The following CAMKMT variants were observed in gnomAD, a reference collection of about 807,000 sequenced individuals.
The protein encoded by CAMKMT is calmodulin-lysine N-methyltransferase.
Under a neutral mutation model 48.0 loss-of-function variants are expected in CAMKMT, and 53 were observed. That is an observed-to-expected ratio of 1.10 (90% confidence interval 0.89 to 1.39). The LOEUF is 1.39. CAMKMT is among the 40% of genes most tolerant of loss of function. CAMKMT has a pLI of 0.00. For synonymous variants in CAMKMT, 165 were observed against 152.3 expected (o/e 1.08, Z -0.61); for missense variants, 428 against 402.7 (o/e 1.06, Z -0.54).
intron 3 of CAMKMT, among the ~76,000 whole-genome samples, chr2:44,402,915 T>C (rs1356518545): frequency 1.4e-5 from 2 of 145,468 alleles, no homozygotes; most frequent in Non-Finnish European, 3.0e-5. Flanking sequence ...TTGAAGATAT[T>C]ACTGAAAGTT....
intron 3 of CAMKMT, among the ~76,000 whole-genome samples, chr2:44,451,369 A>G (rs1325756626): frequency 1.3e-5 from 2 of 152,014 alleles, no homozygotes; most frequent in Non-Finnish European, 2.9e-5. Flanking sequence ...TCCTTTTTTT[A>G]TAACTCAAAA....
At chr2:44,459,134 T>G (rs1313046630) in intron 3 of CAMKMT, among the ~76,000 whole-genome samples, 2 of 152,208 alleles carry the variant, frequency 1.3e-5, no homozygotes, top group Non-Finnish European at 2.9e-5. Context: ...ATAGTACCCT[T>G]TTCAGATTCT....
chr2:44,470,874 C>G (rs1668376625), intron 3 of CAMKMT, among the ~76,000 whole-genome samples: 1 of 150,426 alleles, frequency 6.6e-6, no homozygotes. Flanking sequence ...ATTAATTGTT[C>G]TTTTGTCAGT....
At chr2:44,599,043 G>A (rs1441062365) in intron 3 of CAMKMT, among the ~76,000 whole-genome samples, 2 of 151,990 alleles carry the variant, frequency 1.3e-5, no homozygotes, top group Non-Finnish European at 2.9e-5. Flanking sequence ...TTTTAGCAAG[G>A]TAGAGAGTAA....
At chr2:44,518,617 CAG>C (rs766717135) in intron 3 of CAMKMT, among the ~76,000 whole-genome samples, 1 of 152,168 alleles carries the variant, frequency 6.6e-6, no homozygotes, top group African/African-American at 2.4e-5. Flanking sequence ...CTTCCCTTTG[CAG>C]AGTTTTTTAA....
At chr2:44,661,109 T>C (rs1249229272) in intron 3 of CAMKMT, among the ~76,000 whole-genome samples, 2 of 152,178 alleles carry the variant, frequency 1.3e-5, no homozygotes, top group African/African-American at 2.4e-5. Context: ...ATCATCTTTA[T>C]ACCATTCAAT....
At chr2:44,393,393 C>G (rs1350239544) in intron 3 of CAMKMT, 1 of 152,166 alleles carries the variant, frequency 6.6e-6, no homozygotes, top group Non-Finnish European at 1.5e-5. Flanking sequence ...TAAGAGGAAT[C>G]TCGTACAGAA....
rs138989304 is a variant in CAMKMT, at chr2:44,626,607, T to C, written c.377-77676T>C. Among the ~76,000 whole-genome samples, 1,134 of 152,294 alleles carry C rather than the reference T, an allele frequency of 7.4e-3. 16 individuals carry two copies. Among genetic ancestry groups the C allele is most frequent in the African/African-American group, 0.026 (1,069 of 41,550 alleles). On this transcript the variant is annotated intron_variant, in intron 3 of 10. Coordinates refer to ENST00000378494, the MANE Select transcript of CAMKMT (RefSeq NM_024766.5). ...TGATGAGGGCCCATTCCTTCTCGACTGTATCCTCACACGGTAGAAGGGGCT... is the reference window on the plus strand; with the variant it reads ...TGATGAGGGCCCATTCCTTCTCGACCGTATCCTCACACGGTAGAAGGGGCT...
intron 3 of CAMKMT, among the ~76,000 whole-genome samples, chr2:44,425,529 A>C (rs1224437907): frequency 6.6e-6 from 1 of 152,206 alleles, no homozygotes; most frequent in Non-Finnish European, 1.5e-5. Context: ...TCATTTTTAC[A>C]TTCATATATT....
intron 3 of CAMKMT, among the ~76,000 whole-genome samples, chr2:44,438,014 T>G (rs17032222): frequency 0.12 from 17,509 of 152,098 alleles, 1,523 homozygotes; most frequent in African/African-American, 0.25. Context: ...AGCTTCTTAT[T>G]CCATGTTCTA....
intron 3 of CAMKMT, among the ~76,000 whole-genome samples, chr2:44,468,796 A>G (rs997886248): frequency 3.9e-5 from 6 of 152,088 alleles, no homozygotes; most frequent in Non-Finnish European, 8.8e-5. Flanking sequence ...GTACATGCCT[A>G]TAATCCTAGG....
intron 3 of CAMKMT, among the ~76,000 whole-genome samples, chr2:44,445,645 GTTTT>G (rs869258613): frequency 4.5e-4 from 46 of 101,422 alleles, no homozygotes; most frequent in African/African-American, 1.5e-3. Context: ...CAAAAGGGTA[GTTTT>G]TTTTTTTTTT....
chr2:44,495,147 A>G (rs1184485127), intron 3 of CAMKMT, among the ~76,000 whole-genome samples: 1 of 152,100 alleles, frequency 6.6e-6, no homozygotes, highest in Non-Finnish European at 1.5e-5. Flanking sequence ...AAAATAATTG[A>G]TTTTTATTTT....
chr2:44,584,826 G>A (rs535037942), intron 3 of CAMKMT, among the ~76,000 whole-genome samples: 1 of 152,120 alleles, frequency 6.6e-6, no homozygotes, highest in East Asian at 1.9e-4. Flanking sequence ...AGGCTGAAGC[G>A]GGTGGATCAC....
chr2:44,391,184 T>C (rs1215652353), intron 3 of CAMKMT, among the ~76,000 whole-genome samples: 2 of 152,244 alleles, frequency 1.3e-5, no homozygotes, highest in African/African-American at 2.4e-5. Flanking sequence ...TTGCATAGAA[T>C]TGTGTTCAGT....
intron 3 of CAMKMT, among the ~76,000 whole-genome samples, chr2:44,500,410 A>G (rs80299006): frequency 0.021 from 3,165 of 152,180 alleles, 108 homozygotes; most frequent in African/African-American, 0.07. Flanking sequence ...TTTGTGCTGT[A>G]TTTTTAAATT....
intron 2 of CAMKMT, among the ~76,000 whole-genome samples, chr2:44,374,932 C>G (rs1223475030): frequency 6.6e-6 from 1 of 152,036 alleles, no homozygotes; most frequent in African/African-American, 2.4e-5. Flanking sequence ...GAGTTCAAGA[C>G]TAGCCTTGGC....
chr2:44,488,015 G>A (rs1410139647), intron 3 of CAMKMT, among the ~76,000 whole-genome samples: 1 of 152,178 alleles, frequency 6.6e-6, no homozygotes, highest in Non-Finnish European at 1.5e-5. Flanking sequence ...AAAGATTTCT[G>A]TAGTATGTAA....
At chr2:44,471,772 C>T (rs1345283002) in intron 3 of CAMKMT, among the ~76,000 whole-genome samples, 1 of 151,998 alleles carries the variant, frequency 6.6e-6, no homozygotes, top group Non-Finnish European at 1.5e-5. Flanking sequence ...GCCTCCACCT[C>T]CCGGTTCAAG....
Sources: gnomAD v4.1 joint callset for allele counts (sites outside exome capture counted in the v4.1 genomes callset) on GRCh38, gnomAD v4.1.1 for gene constraint, MANE v1.5 for transcripts, NCBI Gene and HGNC (gene_info 2026-07-23, HGNC 2026-07-21) for gene names.